Variants in CTSV observed in about 807,000 individuals in gnomAD.
The protein encoded by CTSV is cathepsin V.
Under a neutral mutation model 35.6 loss-of-function variants are expected in CTSV, and 33 were observed. That is an observed-to-expected ratio of 0.93 (90% CI 0.70 to 1.24). The LOEUF is 1.24. Among genes scored for constraint, CTSV ranks in the 50% most tolerant of loss-of-function variants. CTSV has a pLI of 0.00. For synonymous variants in CTSV, 154 were observed against 147.1 expected, an observed-to-expected ratio of 1.05 and a Z score of -0.34; for missense variants, 408 against 413.1, an observed-to-expected ratio of 0.99 and a Z score of 0.11.
chr9:97,038,266 A>C (rs1303072795), intron 1 of CTSV: 3 of 455,932 alleles, frequency 6.6e-6, no homozygotes, highest in African/African-American at 2.0e-5. Flanking sequence ...CATATGCGAT[A>C]ATTTAGGGTA....
intron 1 of CTSV, among the ~76,000 whole-genome samples, chr9:97,038,828 C>T (rs1406621735): frequency 2.0e-5 from 3 of 152,162 alleles, no homozygotes; most frequent in Non-Finnish European, 4.4e-5. Flanking sequence ...ATGAAGCCGC[C>T]CGGTCCGGTC....
rs754099963 is a variant in CTSV, at chr9:97,030,256, T to A, written c.*2693A>T. ...TGAACCACACATAGGGCTGAGTGGA[T>A]GTTTCCTTATTGCTAAGTCCATAGC... On this transcript the variant is annotated 3_prime_UTR_variant, in exon 8 of 8. Transcript: ENST00000259470. The A allele has an allele frequency of 6.6e-5, 10 of 152,194 alleles. No individual in the cohort carries two copies. The highest frequency in any genetic ancestry group is 1.5e-4 in the Non-Finnish European group (10 of 68,046). The allele number at this position is 152,194 out of a possible 1,614,324, so 9.4% of individuals were successfully genotyped here. A position where few individuals can be genotyped will look rare whatever the true frequency, so the allele number is the denominator to read the frequency against.
rs760292749 is a variant in CTSV at position 97,038,071 on chromosome 9, A to AT, written c.-10-19dup. 18 of 1,611,232 alleles carry AT rather than the reference A, an allele frequency of 1.1e-5. No homozygotes were observed. The stretch of plus-strand genomic sequence containing the variant: ...TTCAAAACCTAGAAAGAGAAAAGAA[A>AT]TGAGTATCTGATTAGACCAATCCTA... On this transcript the variant is annotated intron_variant, in intron 1 of 7. Coordinates refer to ENST00000259470, the MANE Select transcript of CTSV (RefSeq NM_001333.4).
In CTSV at chr9:97,031,305, G is replaced by C. The variant is rs1828740759; in HGVS notation, c.*1644C>G. The C allele has an allele frequency of 1.3e-5, 2 of 152,124 alleles. No individual in the cohort carries two copies. The highest frequency in any genetic ancestry group is 2.4e-5 in the African/African-American group (1 of 41,426). The allele number at this position is 152,124 out of a possible 1,614,324, so 9.4% of individuals were successfully genotyped here. ...TGGCTGTGGACATAGGCTATCAAAG[G>C]GTTTTTGGGATACACAGTCCCACAT... is the stretch of plus-strand genomic sequence containing the variant. On this transcript the variant is annotated 3_prime_UTR_variant, in exon 8 of 8. Coordinates refer to ENST00000259470, the MANE Select transcript of CTSV (RefSeq NM_001333.4).
At chr9:97,037,888 T>C (rs766246700) in intron 2 of CTSV, 30 bp downstream of exon 2, 1 of 1,607,028 alleles carries the variant, frequency 6.2e-7, no homozygotes, top group South Asian at 1.1e-5. Context: ...CTCTCCAGAG[T>C]CCCTCTGGAC....
At position 97,032,836 on chromosome 9, in the gene CTSV, G is replaced by T; in HGVS notation, c.*113C>A. ...GTCACAGAATTAAAATCTCAACTTG[G>T]ATCCTCAATGATTCAACTGGTTTAT... On this transcript the variant is annotated 3_prime_UTR_variant, in exon 8 of 8. Transcript: ENST00000259470. The T allele has an allele frequency of 1.6e-6, 1 of 617,068 alleles. No homozygotes were observed. Among genetic ancestry groups the T allele is most frequent in the Non-Finnish European group, 2.7e-6 (1 of 369,060 alleles). 38.2% of individuals were successfully genotyped at this position (617,068 alleles called of 1,614,324 possible).
At chr9:97,039,157 C>T (rs1169699671), upstream of CTSV, 2 of 152,286 alleles carry the variant, frequency 1.3e-5, no homozygotes, top group Non-Finnish European at 2.9e-5. Context: ...GTTCGCCCGC[C>T]TCGGGATTTA....
At chr9:97,034,918 A>G (rs372591601) in intron 6 of CTSV, 75 bp from the exon 7 acceptor site, 2 of 1,054,418 alleles carry the variant, frequency 1.9e-6, no homozygotes, top group Non-Finnish European at 1.5e-6. Flanking sequence ...ACCACCCTCC[A>G]TAAGGGAGGC....
chr9:97,034,597 A>T, intron 7 of CTSV, 129 bp downstream of exon 7: 1 of 697,052 alleles, frequency 1.4e-6, no homozygotes. Flanking sequence ...TTATAATCAA[A>T]CATTAATATT....
intron 7 of CTSV, 22 bp downstream of exon 7, chr9:97,034,704 T>A (rs752090471): frequency 1.1e-5 from 17 of 1,577,478 alleles, no homozygotes; most frequent in Non-Finnish European, 1.3e-5. Flanking sequence ...AAAAATTCCC[T>A]TTTCAATTTT....
upstream of CTSV, chr9:97,039,175 AG>A (rs1204095814): frequency 6.6e-6 from 1 of 152,360 alleles, no homozygotes; most frequent in East Asian, 1.9e-4. Flanking sequence ...TTAAGTTTCC[AG>A]GCGGCCTTCC....
intron 5 of CTSV, among the ~76,000 whole-genome samples, chr9:97,036,206 G>A (rs1190862708): frequency 5.9e-5 from 9 of 152,038 alleles, no homozygotes; most frequent in Non-Finnish European, 2.9e-5. Flanking sequence ...GAGTAGCTGG[G>A]ACTACGGGCA....
intron 1 of CTSV, 140 bp from the exon 2 acceptor site, chr9:97,038,193 G>T: frequency 2.2e-6 from 2 of 929,360 alleles, no homozygotes; most frequent in Non-Finnish European, 3.1e-6. Context: ...CAGGCCAAGT[G>T]GAGGTATTTG....
At chr9:97,037,804 T>C in intron 2 of CTSV, 114 bp downstream of exon 2, 1 of 1,444,524 alleles carries the variant, frequency 6.9e-7, no homozygotes, top group Non-Finnish European at 9.6e-7. Flanking sequence ...TGGGTGCTGT[T>C]AGGTTATTGC....
chr9:97,037,434 A>C, intron 3 of CTSV, 36 bp from the exon 4 acceptor site: 1 of 1,613,688 alleles, frequency 6.2e-7, no homozygotes, highest in Non-Finnish European at 8.5e-7. Context: ...TAAAAGCAAG[A>C]CTATTTTGGT....
At chr9:97,035,762 C>T in intron 5 of CTSV, 69 bp from the exon 6 acceptor site, 2 of 1,131,108 alleles carry the variant, frequency 1.8e-6, no homozygotes, top group Non-Finnish European at 2.3e-6. Flanking sequence ...AGTTCTAGAA[C>T]CGAAACACTC....
At position 97,030,954 on chromosome 9, in the gene CTSV, T is replaced by C. The variant is rs896396988; in HGVS notation, c.*1995A>G. 6.6e-6 allele frequency: 1 copy of C among 152,232 alleles called. No homozygotes were observed. The highest frequency in any genetic ancestry group is 2.4e-5 in the African/African-American group (1 of 41,466). 9.4% of individuals were successfully genotyped at this position (152,232 alleles called of 1,614,324 possible). A position where few individuals can be genotyped will look rare whatever the true frequency, so the allele number is the denominator to read the frequency against. On this transcript the variant is annotated 3_prime_UTR_variant, in exon 8 of 8. Coordinates refer to ENST00000259470, the MANE Select transcript of CTSV (RefSeq NM_001333.4). Reference sequence around the variant, plus strand: ...GATTTTTCAAGTCTACTGGCTTGTTTGAAAAACGCTTTTAGACAACACATC... The same window carrying C: ...GATTTTTCAAGTCTACTGGCTTGTTCGAAAAACGCTTTTAGACAACACATC...
intron 1 of CTSV, chr9:97,038,376 G>C: frequency 4.6e-6 from 1 of 217,816 alleles, no homozygotes; most frequent in Non-Finnish European, 9.4e-6. Flanking sequence ...TTGTACTGAG[G>C]TCATCCAGGC....
At chr9:97,033,242 C>T (rs1377712754) in intron 7 of CTSV, among the ~76,000 whole-genome samples, 194 bp from the exon 8 acceptor site, 4 of 151,840 alleles carry the variant, frequency 2.6e-5, no homozygotes, top group Non-Finnish European at 5.9e-5. Context: ...TTTGGGAGGC[C>T]GAGGTGGGCA....
Sources: gnomAD v4.1 joint callset for allele counts (sites outside exome capture counted in the v4.1 genomes callset) on GRCh38, gnomAD v4.1.1 for gene constraint, MANE v1.5 for transcripts, NCBI Gene and HGNC (gene_info 2026-07-23, HGNC 2026-07-21) for gene names.